SGIP1: variants seen among roughly 807,000 people sequenced by gnomAD.
SGIP1 encodes the protein SH3GL interacting endocytic adaptor 1, also known as SH3-containing GRB2-like protein 3-interacting protein 1.
SGIP1 carries 38 observed loss-of-function variants against 107.5 expected under a neutral mutation model. The observed-to-expected ratio is 0.35, with a 90% CI of 0.27 to 0.46. The LOEUF is 0.46. Ranked by LOEUF, SGIP1 falls within the 20% of genes least tolerant of loss-of-function variation. The probability of loss-of-function intolerance (pLI) is 1.00; values close to 1 mark genes in which losing one functional copy is unlikely to be tolerated. For missense variants in SGIP1, 929 were observed against 1,019.5 expected (o/e 0.91, Z 1.21); for synonymous variants, 365 against 366.1 (o/e 1.00, Z 0.03).
chr1:66,709,106 T>C (rs1398557316), intron 18 of SGIP1, among the ~76,000 whole-genome samples: 4 of 152,136 alleles, frequency 2.6e-5, no homozygotes, highest in African/African-American at 9.7e-5. Context: ...TAGGTATACA[T>C]GTGCCATGGT....
At chr1:66,739,560 C>T (rs1449338039) in intron 22 of SGIP1, 23 bp downstream of exon 22, 4 of 1,611,840 alleles carry the variant, frequency 2.5e-6, no homozygotes, top group Non-Finnish European at 1.7e-6. Context: ...CTATTCTCTC[C>T]ACCAAAGGGC....
chr1:66,749,944 G>C lies in SGIP1; in HGVS notation c.*6849G>C, dbSNP rs886922576. Among the ~76,000 whole-genome samples the C allele has an allele frequency of 1.3e-5, 2 of 151,600 alleles. No individual in the cohort carries two copies. Among genetic ancestry groups the C allele is most frequent in the African/African-American group, 2.4e-5 (1 of 41,296 alleles). ...TTTTTCAGGTCAGAATTTAGTTCTT[G>C]CTTTGTTAAATGGACATACATGAAA... On this transcript the variant is annotated 3_prime_UTR_variant, in exon 25 of 25. Coordinates refer to ENST00000371037, the MANE Select transcript of SGIP1 (RefSeq NM_032291.4).
intron 1 of SGIP1, among the ~76,000 whole-genome samples, chr1:66,606,994 T>A (rs2066975627): frequency 2.6e-5 from 4 of 152,194 alleles, no homozygotes; most frequent in Admixed American, 2.6e-4. Flanking sequence ...ACCATGTTCA[T>A]GAATATGTTT....
intron 16 of SGIP1, among the ~76,000 whole-genome samples, chr1:66,689,780 GAA>G (rs2089399653): frequency 6.6e-6 from 1 of 152,220 alleles, no homozygotes; most frequent in African/African-American, 2.4e-5. Context: ...ACTTGTGGCA[GAA>G]GTAGATTTCT....
chr1:66,579,736 T>C (rs2061563192), intron 1 of SGIP1, among the ~76,000 whole-genome samples: 1 of 152,188 alleles, frequency 6.6e-6, no homozygotes. Context: ...AACTTTATAA[T>C]ACCTAATGAA....
chr1:66,650,347 A>G (rs1189722661), intron 7 of SGIP1, among the ~76,000 whole-genome samples: 1 of 152,188 alleles, frequency 6.6e-6, no homozygotes. Context: ...TGGATAATTG[A>G]CTTTATTTCT....
chr1:66,681,695 G>A (rs1052507405), intron 14 of SGIP1, among the ~76,000 whole-genome samples, 174 bp from the exon 15 acceptor site: 5 of 151,976 alleles, frequency 3.3e-5, no homozygotes, highest in Admixed American at 3.3e-4. Flanking sequence ...TGTGGAGGGG[G>A]GATCTCTCCC....
At chr1:66,548,880 C>T (rs2056905265) in intron 1 of SGIP1, among the ~76,000 whole-genome samples, 1 of 152,178 alleles carries the variant, frequency 6.6e-6, no homozygotes, top group African/African-American at 2.4e-5. Context: ...GGTGCCAAAA[C>T]TTACTATGCC....
chr1:66,534,513 A>AT (rs2053099009), intron 1 of SGIP1, 145 bp downstream of exon 1: 1 of 909,310 alleles, frequency 1.1e-6, no homozygotes, highest in African/African-American at 1.6e-5. Context: ...GTTTGCTTGC[A>AT]GTGGATCTGG....
At chr1:66,669,439 C>T (rs1266751729) in intron 9 of SGIP1, among the ~76,000 whole-genome samples, 1 of 152,188 alleles carries the variant, frequency 6.6e-6, no homozygotes, top group Non-Finnish European at 1.5e-5. Context: ...CCCTCAATGC[C>T]ATTTATTAAT....
intron 1 of SGIP1, among the ~76,000 whole-genome samples, chr1:66,596,890 T>C (rs977709583): frequency 6.6e-6 from 1 of 152,122 alleles, no homozygotes; most frequent in African/African-American, 2.4e-5. Flanking sequence ...TAAAGGCAAT[T>C]ATTCCTTCAA....
intron 1 of SGIP1, among the ~76,000 whole-genome samples, chr1:66,610,710 T>C (rs1038665493): frequency 3.5e-5 from 3 of 85,194 alleles, no homozygotes; most frequent in African/African-American, 1.6e-4. Context: ...TAAGTCATAG[T>C]ATAGATTTTT....
intron 15 of SGIP1, among the ~76,000 whole-genome samples, chr1:66,683,504 T>C (rs2087293779): frequency 1.3e-5 from 2 of 151,988 alleles, no homozygotes; most frequent in South Asian, 4.2e-4. Flanking sequence ...GTGCTAGGAG[T>C]TCACCCGTAC....
chr1:66,658,581 C>A (rs1157051960), intron 7 of SGIP1, among the ~76,000 whole-genome samples: 1 of 152,052 alleles, frequency 6.6e-6, no homozygotes, highest in African/African-American at 2.4e-5. Context: ...TCAATGGCTC[C>A]CCAAAAAGGG....
At chr1:66,623,589 T>G (rs2071776426) in intron 1 of SGIP1, among the ~76,000 whole-genome samples, 1 of 152,170 alleles carries the variant, frequency 6.6e-6, no homozygotes, top group Non-Finnish European at 1.5e-5. Flanking sequence ...ATTAGGGCAT[T>G]TTTTTTCTAG....
chr1:66,592,512 C>A (rs978830504), intron 1 of SGIP1, among the ~76,000 whole-genome samples: 7 of 152,302 alleles, frequency 4.6e-5, no homozygotes, highest in Admixed American at 1.3e-4. Context: ...CTTCTTTCTA[C>A]ATAGACACAG....
At chr1:66,676,644 G>A (rs963279931) in intron 12 of SGIP1, among the ~76,000 whole-genome samples, 2 of 152,154 alleles carry the variant, frequency 1.3e-5, no homozygotes, top group African/African-American at 4.8e-5. Flanking sequence ...CAAAACAAAT[G>A]TTCATGGGGT....
chr1:66,599,368 CAG>C (rs1429980557), intron 1 of SGIP1, among the ~76,000 whole-genome samples: 4 of 150,940 alleles, frequency 2.7e-5, no homozygotes, highest in Non-Finnish European at 3.0e-5. Context: ...TTGAGATTTA[CAG>C]AGTTTTAGTG....
intron 24 of SGIP1, 59 bp from the exon 25 acceptor site, chr1:66,743,014 A>T: frequency 6.3e-7 from 1 of 1,585,338 alleles, no homozygotes; most frequent in Non-Finnish European, 8.7e-7. Context: ...AGTTACCCAT[A>T]TAATAATTAC....
Sources: gnomAD v4.1 joint callset for allele counts (sites outside exome capture counted in the v4.1 genomes callset) on GRCh38, gnomAD v4.1.1 for gene constraint, MANE v1.5 for transcripts, NCBI Gene and HGNC (gene_info 2026-07-23, HGNC 2026-07-21) for gene names.